The following RABL3 variants were observed in gnomAD, a reference collection of about 807,000 sequenced individuals.
The protein encoded by RABL3 is RAB, member of RAS oncogene family like 3, also known as rab-like protein 3.
RABL3 carries 31 observed loss-of-function variants against 31.8 expected under a neutral mutation model. The ratio of observed to expected loss-of-function variants is 0.97; its 90% CI spans 0.73 to 1.31. The LOEUF (loss-of-function observed/expected upper bound fraction) is 1.31. RABL3 is among the 40% of genes most tolerant of loss of function. The pLI is 0.00. For missense variants in RABL3, 263 were observed against 279.6 expected, an observed-to-expected ratio of 0.94 and a Z score of 0.42; for synonymous variants, 97 against 99.9, an observed-to-expected ratio of 0.97 and a Z score of 0.18.
At chr3:120,711,433 C>T (rs1042444225) in intron 2 of RABL3, among the ~76,000 whole-genome samples, 1 of 152,086 alleles carries the variant, frequency 6.6e-6, no homozygotes, top group Non-Finnish European at 1.5e-5. Context: ...TATCTCCTTG[C>T]CTGAATTGAT....
intron 7 of RABL3, 45 bp from the exon 8 acceptor site, chr3:120,689,933 G>T (rs1465443857): frequency 2.8e-6 from 4 of 1,443,444 alleles, no homozygotes; most frequent in Non-Finnish European, 2.9e-6. Context: ...AGCAATAAAA[G>T]TTCAAATACT....
intron 5 of RABL3, among the ~76,000 whole-genome samples, chr3:120,697,857 A>G (rs1346507761): frequency 6.6e-6 from 1 of 152,184 alleles, no homozygotes; most frequent in Non-Finnish European, 1.5e-5. Flanking sequence ...TGTGATTTTA[A>G]AAACCTTTCT....
At chr3:120,728,165 T>G (rs1183578223) in intron 2 of RABL3, among the ~76,000 whole-genome samples, 1 of 151,474 alleles carries the variant, frequency 6.6e-6, no homozygotes, top group African/African-American at 2.4e-5. Context: ...GGAAAAGGAG[T>G]AGGGCAGGAG....
At chr3:120,701,859 G>T (rs1708496027) in intron 4 of RABL3, among the ~76,000 whole-genome samples, 1 of 152,136 alleles carries the variant, frequency 6.6e-6, no homozygotes, top group South Asian at 2.1e-4. Flanking sequence ...GTCTTTCCCA[G>T]TGAATGCAAC....
rs1379226181 is a variant in RABL3, at chr3:120,698,425, A to T, written c.532T>A (p.Leu178Met). 1 of 1,612,338 alleles carries T rather than the reference A, an allele frequency of 6.2e-7. No individual in the cohort carries two copies. Among genetic ancestry groups the T allele is most frequent in the African/African-American group, 1.3e-5 (1 of 74,948 alleles). The part of the protein sequence containing the change: ...AEDFNPEEIN[L>M]DCTNPRYLAA... ...CATGCATTAGTGAAAATACATACCA[A>T]ATTAATTTCTTCTGGATTGAAATCC... Residue 178 changes from leucine (L) to methionine (M), a missense_variant and splice_region_variant, in exon 5 of 8, where the codon TTG becomes ATG. By Grantham distance (15) the Leu-to-Met change is conservative (BLOSUM62 2). Transcript: ENST00000273375.
At chr3:120,735,438 CTTCT>C (rs201046104) in intron 1 of RABL3, among the ~76,000 whole-genome samples, 30,187 of 151,696 alleles carry the variant, frequency 0.2, 3,377 homozygotes, top group East Asian at 0.36. Context: ...TCTGTCTTGT[CTTCT>C]TTATTAGTCT....
chr3:120,700,285 CA>C (rs1260813853), intron 4 of RABL3, among the ~76,000 whole-genome samples: 1 of 151,776 alleles, frequency 6.6e-6, no homozygotes, highest in Non-Finnish European at 1.5e-5. Context: ...AAAATAAAGA[CA>C]AAAAAACTTG....
In RABL3 at chr3:120,706,118, A is replaced by C; in HGVS notation, c.269-4T>G. On this transcript the variant is annotated splice_region_variant and splice_polypyrimidine_tract_variant and intron_variant, in intron 3 of 7. Coordinates refer to ENST00000273375, the MANE Select transcript of RABL3 (RefSeq NM_173825.5). ...AAGTCGTGTACGAAAATAATACCTA[A>C]AATAATCAGAGAAAACAATGTTAAT... 6.5e-7 allele frequency: 1 copy of C among 1,542,504 alleles called. No individual in the cohort carries two copies. The highest frequency in any genetic ancestry group is 2.2e-5 in the East Asian group (1 of 44,550).
intron 2 of RABL3, 92 bp downstream of exon 2, chr3:120,730,604 G>A: frequency 3.5e-6 from 3 of 857,562 alleles, no homozygotes; most frequent in Non-Finnish European, 5.7e-6. Context: ...TATTACTATT[G>A]ATCTTGACCA....
intron 1 of RABL3, among the ~76,000 whole-genome samples, chr3:120,737,693 G>A (rs1378303447): frequency 3.9e-5 from 6 of 152,308 alleles, no homozygotes; most frequent in African/African-American, 1.4e-4. Flanking sequence ...TCGGACAGAT[G>A]GGGTTTTGTT....
chr3:120,732,697 G>T (rs1424762125), intron 1 of RABL3, among the ~76,000 whole-genome samples: 5 of 151,174 alleles, frequency 3.3e-5, no homozygotes, highest in Non-Finnish European at 5.9e-5. Flanking sequence ...ATGTCTCCCA[G>T]TGCTATCCCT....
intron 3 of RABL3, among the ~76,000 whole-genome samples, chr3:120,706,641 AG>A (rs1347381089): frequency 1.8e-5 from 2 of 113,704 alleles, no homozygotes; most frequent in African/African-American, 5.3e-5. Context: ...CTGACAAAAT[AG>A]TGTCCTGTAG....
chr3:120,708,777 T>TTTATTAAGACTGTGACA lies in RABL3; in HGVS notation c.268+986_268+1002dup, dbSNP rs567877023. Among the ~76,000 whole-genome samples the TTTATTAAGACTGTGACA allele has an allele frequency of 9.6e-5, 13 of 135,566 alleles. No individual in the cohort carries two copies. In the South Asian group the frequency reaches 2.9e-3, roughly 30 times the overall value. 88.9% of individuals were successfully genotyped at this position (135,566 alleles called of 152,430 possible). A position where few individuals can be genotyped will look rare whatever the true frequency, so the allele number is the denominator to read the frequency against. ...GTCTCATTTATGAATGCTTTGTTTCTTTATTAAGACTGTGACATTTTCAGA... is the reference window on the plus strand; with the variant it reads ...GTCTCATTTATGAATGCTTTGTTTCTTTATTAAGACTGTGACATTATTAAGACTGTGACATTTTCAGA... On this transcript the variant is annotated intron_variant, in intron 3 of 7. Transcript: ENST00000273375.
intron 2 of RABL3, among the ~76,000 whole-genome samples, chr3:120,720,756 A>G (rs557133222): frequency 6.6e-6 from 1 of 152,346 alleles, no homozygotes; most frequent in African/African-American, 2.4e-5. Flanking sequence ...GTTGGAAAAC[A>G]CTCTGCAGGA....
intron 1 of RABL3, among the ~76,000 whole-genome samples, chr3:120,736,700 C>T (rs1376757810): frequency 9.0e-4 from 129 of 142,710 alleles, no homozygotes; most frequent in Admixed American, 1.2e-3. Flanking sequence ...TTAGTGCTTC[C>T]TTCAGGAGCT....
chr3:120,696,698 C>T (rs371653903), intron 5 of RABL3, among the ~76,000 whole-genome samples: 5 of 151,946 alleles, frequency 3.3e-5, no homozygotes, highest in South Asian at 4.1e-4. Flanking sequence ...TTAAAGTAAG[C>T]GCTGAAACAA....
chr3:120,731,747 T>C (rs1342193551), intron 1 of RABL3, among the ~76,000 whole-genome samples: 2 of 152,136 alleles, frequency 1.3e-5, no homozygotes, highest in African/African-American at 4.8e-5. Flanking sequence ...ATATTTACAA[T>C]CTAGAAAGTA....
Position 120,737,688 on chromosome 3 carries a change from C to T in RABL3, c.46+4774G>A, listed in dbSNP as rs1023801394. Among the ~76,000 whole-genome samples the T allele has an allele frequency of 2.0e-5, 3 of 152,304 alleles. No individual in the cohort carries two copies. In the South Asian group the frequency reaches 6.2e-4, roughly 32 times the overall value. ...TTTGGTCTTTGATGATGGAGTCGGA[C>T]AGATGGGGTTTTGTTGTGGATGTCC... On this transcript the variant is annotated intron_variant, in intron 1 of 7. Transcript: ENST00000273375.
At chr3:120,728,917 A>G (rs1225341322) in intron 2 of RABL3, among the ~76,000 whole-genome samples, 1 of 152,174 alleles carries the variant, frequency 6.6e-6, no homozygotes, top group Non-Finnish European at 1.5e-5. Flanking sequence ...AGAAGTGGGA[A>G]CTGACATAGA....
Sources: gnomAD v4.1 joint callset for allele counts (sites outside exome capture counted in the v4.1 genomes callset) on GRCh38, gnomAD v4.1.1 for gene constraint, MANE v1.5 for transcripts, NCBI Gene and HGNC (gene_info 2026-07-23, HGNC 2026-07-21) for gene names.